Variants in NKAIN3 observed in about 807,000 individuals in gnomAD.
The protein encoded by NKAIN3 is sodium/potassium transporting ATPase interacting 3, also known as sodium/potassium-transporting ATPase subunit beta-1-interacting protein 3.
In NKAIN3, 25 loss-of-function variants were observed where a neutral mutation model predicts 30.2. That is an observed-to-expected ratio of 0.83 (90% CI 0.60 to 1.16). The LOEUF (loss-of-function observed/expected upper bound fraction) is 1.16, where lower values mean the gene tolerates loss of function less well. Among genes scored for constraint, NKAIN3 ranks in the 50% most tolerant of loss-of-function variants. The pLI is 0.00. For missense variants in NKAIN3, 225 were observed against 254.1 expected, an observed-to-expected ratio of 0.89 and a Z score of 0.78; for synonymous variants, 91 against 89.6, an observed-to-expected ratio of 1.02 and a Z score of -0.09.
chr8:62,656,232 T>C (rs1812760353), intron 3 of NKAIN3, among the ~76,000 whole-genome samples: 1 of 152,180 alleles, frequency 6.6e-6, no homozygotes, highest in East Asian at 1.9e-4. Context: ...CATAATCAGA[T>C]TCAACAACTT....
intron 1 of NKAIN3, among the ~76,000 whole-genome samples, chr8:62,263,846 C>T (rs886934473): frequency 5.9e-5 from 9 of 152,078 alleles, no homozygotes; most frequent in African/African-American, 1.9e-4. Flanking sequence ...GACCATATTA[C>T]GTATTTATAT....
intron 4 of NKAIN3, among the ~76,000 whole-genome samples, chr8:62,826,138 C>G (rs1332376362): frequency 6.6e-6 from 1 of 152,120 alleles, no homozygotes; most frequent in Non-Finnish European, 1.5e-5. Flanking sequence ...AGATACTGCA[C>G]TTTAATAACC....
chr8:62,770,532 G>A (rs1475447610), intron 4 of NKAIN3, among the ~76,000 whole-genome samples: 1 of 152,148 alleles, frequency 6.6e-6, no homozygotes, highest in Non-Finnish European at 1.5e-5. Flanking sequence ...ACATGGTAGA[G>A]ACAGACAGAA....
At position 62,965,359 on chromosome 8, in the gene NKAIN3, A is replaced by C. The variant is rs539626256; in HGVS notation, c.609A>C (p.Glu203Asp). 8.1e-6 allele frequency: 8 copies of C among 985,756 alleles called. No individual in the cohort carries two copies. In the Admixed American group the frequency reaches 1.8e-4, roughly 23 times the overall value. 61.1% of individuals were successfully genotyped at this position (985,756 alleles called of 1,614,324 possible). A position where few individuals can be genotyped will look rare whatever the true frequency, so the allele number is the denominator to read the frequency against. The change falls in exon 7 of 7, where the codon GAA (glutamate) becomes GAC (aspartate). Residue 203 changes from glutamate (E) to aspartate (D), a missense_variant. Transcript: ENST00000623646. ...HVELKPVKPV[E>D]ISNDIEPEMR... ...ATTCGTATTTTCTGTTTTAGGTCGA[A>C]ATAAGTAATGACATTGAACCAGAAA...
intron 4 of NKAIN3, among the ~76,000 whole-genome samples, chr8:62,826,649 T>A (rs1329123890): frequency 6.6e-6 from 1 of 152,200 alleles, no homozygotes; most frequent in Non-Finnish European, 1.5e-5. Flanking sequence ...AGGCACTGAT[T>A]GCTCCAAGAC....
intron 4 of NKAIN3, among the ~76,000 whole-genome samples, chr8:62,874,185 C>T (rs753679164): frequency 1.3e-5 from 2 of 152,060 alleles, no homozygotes; most frequent in African/African-American, 2.4e-5. Flanking sequence ...AAACTACCAT[C>T]AGATAATATT....
intron 1 of NKAIN3, among the ~76,000 whole-genome samples, chr8:62,569,154 T>C (rs1809847407): frequency 6.6e-6 from 1 of 152,198 alleles, no homozygotes; most frequent in South Asian, 2.1e-4. Flanking sequence ...TTCACCTGCC[T>C]GTAGACACAT....
intron 4 of NKAIN3, among the ~76,000 whole-genome samples, chr8:62,810,499 T>G (rs1457435622): frequency 6.6e-6 from 1 of 152,146 alleles, no homozygotes; most frequent in African/African-American, 2.4e-5. Flanking sequence ...GTTTTTTCAT[T>G]TGTAAAATGT....
At chr8:62,393,756 C>T (rs910210145) in intron 1 of NKAIN3, among the ~76,000 whole-genome samples, 1 of 151,914 alleles carries the variant, frequency 6.6e-6, no homozygotes. Flanking sequence ...TTTAGATAAG[C>T]CTTAACTTTT....
chr8:62,994,657 C>A (rs781709317), intron 5 of NKAIN3, among the ~76,000 whole-genome samples: 21 of 152,194 alleles, frequency 1.4e-4, no homozygotes, highest in Admixed American at 3.9e-4. Flanking sequence ...TTAACTGGAA[C>A]ATTCCAGAGA....
intron 3 of NKAIN3, among the ~76,000 whole-genome samples, chr8:62,731,814 C>T (rs1222289713): frequency 6.6e-6 from 1 of 152,146 alleles, no homozygotes; most frequent in Non-Finnish European, 1.5e-5. Context: ...TTCTTTTCAT[C>T]CCTCCCTCAC....
At chr8:62,454,288 A>C (rs1563405969) in intron 1 of NKAIN3, among the ~76,000 whole-genome samples, 1 of 146,510 alleles carries the variant, frequency 6.8e-6, no homozygotes, top group Non-Finnish European at 1.5e-5. Flanking sequence ...CAACACTAAC[A>C]ATAGCTGATG....
chr8:62,848,485 T>C (rs937567652), intron 4 of NKAIN3, among the ~76,000 whole-genome samples: 29 of 152,306 alleles, frequency 1.9e-4, no homozygotes, highest in Admixed American at 9.8e-4. Flanking sequence ...GTTGTTGGTG[T>C]ATAGGAATGC....
intron 3 of NKAIN3, among the ~76,000 whole-genome samples, chr8:62,602,093 T>C (rs1297493627): frequency 6.6e-6 from 1 of 152,092 alleles, no homozygotes; most frequent in Non-Finnish European, 1.5e-5. Flanking sequence ...CAACGACATA[T>C]ATAAAACACA....
At chr8:62,665,793 G>T (rs899832247) in intron 3 of NKAIN3, among the ~76,000 whole-genome samples, 1 of 152,104 alleles carries the variant, frequency 6.6e-6, no homozygotes, top group Admixed American at 6.5e-5. Flanking sequence ...GTGTCTATGT[G>T]CCCAGCAATA....
At chr8:62,595,265 C>T (rs1810787864) in intron 3 of NKAIN3, among the ~76,000 whole-genome samples, 1 of 151,632 alleles carries the variant, frequency 6.6e-6, no homozygotes, top group African/African-American at 2.4e-5. Context: ...GCTTCTGATA[C>T]ATTTTGCTGA....
At chr8:62,267,421 C>T (rs1463834630) in intron 1 of NKAIN3, among the ~76,000 whole-genome samples, 1 of 152,096 alleles carries the variant, frequency 6.6e-6, no homozygotes, top group East Asian at 1.9e-4. Flanking sequence ...TCTTATGTTT[C>T]CCTTAATTAT....
chr8:62,487,066 G>A (rs1311598774), intron 1 of NKAIN3, among the ~76,000 whole-genome samples: 16 of 152,126 alleles, frequency 1.1e-4, no homozygotes, highest in Admixed American at 8.5e-4. Flanking sequence ...TGCCAGATTC[G>A]TGGACCATGC....
At chr8:62,944,964 G>C (rs1234268184) in intron 5 of NKAIN3, among the ~76,000 whole-genome samples, 1 of 152,054 alleles carries the variant, frequency 6.6e-6, no homozygotes, top group East Asian at 1.9e-4. Flanking sequence ...ACAAGAATGG[G>C]AAGAAATTTG....
Sources: gnomAD v4.1 joint callset for allele counts (sites outside exome capture counted in the v4.1 genomes callset) on GRCh38, gnomAD v4.1.1 for gene constraint, MANE v1.5 for transcripts, NCBI Gene and HGNC (gene_info 2026-07-23, HGNC 2026-07-21) for gene names.